Variants in SDHAF3 observed in about 807,000 individuals in gnomAD.
SDHAF3 encodes the protein succinate dehydrogenase assembly factor 3, mitochondrial.
SDHAF3 carries 18 observed loss-of-function variants against 11.5 expected under a neutral mutation model. The ratio of observed to expected loss-of-function variants is 1.56; its 90% CI spans 1.08 to 2.32. SDHAF3 has a LOEUF of 2.32. Ranked by LOEUF, SDHAF3 falls within the 30% of genes most tolerant of loss-of-function variation. SDHAF3 has a pLI of 0.00. For synonymous variants in SDHAF3, 72 were observed against 59.3 expected (o/e 1.21, Z -0.99); for missense variants, 200 against 154.4 (o/e 1.30, Z -1.57).
chr7:97,175,783 T>A (rs1234319334), intron 1 of SDHAF3, among the ~76,000 whole-genome samples: 2 of 152,308 alleles, frequency 1.3e-5, no homozygotes, highest in East Asian at 3.9e-4. Flanking sequence ...TGAACGTTAG[T>A]TTTTTTCTAC....
At chr7:97,156,969 C>G (rs1049320727) in intron 1 of SDHAF3, among the ~76,000 whole-genome samples, 1 of 152,108 alleles carries the variant, frequency 6.6e-6, no homozygotes, top group African/African-American at 2.4e-5. Context: ...TATCCCTCCC[C>G]CAGTCCCCCA....
chr7:97,147,228 A>G (rs532846057), intron 1 of SDHAF3, among the ~76,000 whole-genome samples: 6 of 152,350 alleles, frequency 3.9e-5, no homozygotes, highest in Admixed American at 3.9e-4. Flanking sequence ...ATACGCAGTT[A>G]TAACTAGGAG....
intron 1 of SDHAF3, among the ~76,000 whole-genome samples, chr7:97,147,701 C>CA (rs1562825142): frequency 6.6e-6 from 1 of 152,106 alleles, no homozygotes. Context: ...AGCCAAGTGT[C>CA]AATTTGACAG....
chr7:97,158,915 GA>G (rs1789352598), intron 1 of SDHAF3, among the ~76,000 whole-genome samples: 1 of 152,064 alleles, frequency 6.6e-6, no homozygotes, highest in African/African-American at 2.4e-5. Flanking sequence ...GTAAATTATT[GA>G]AAAATGTATA....
chr7:97,122,101 CCCA>C (rs1181844122), intron 1 of SDHAF3, among the ~76,000 whole-genome samples: 1 of 152,166 alleles, frequency 6.6e-6, no homozygotes, highest in East Asian at 1.9e-4. Context: ...TTATGATCCG[CCCA>C]CCTGGGCCTC....
intron 1 of SDHAF3, among the ~76,000 whole-genome samples, chr7:97,162,886 T>G (rs370004361): frequency 5.9e-5 from 9 of 152,262 alleles, no homozygotes; most frequent in African/African-American, 2.2e-4. Context: ...GGTGGAGAGT[T>G]CTGTAGATAT....
intron 1 of SDHAF3, among the ~76,000 whole-genome samples, chr7:97,143,112 T>C (rs1020591825): frequency 1.1e-4 from 17 of 151,768 alleles, no homozygotes; most frequent in Non-Finnish European, 1.9e-4. Flanking sequence ...GCCAGGCTGG[T>C]CTCGAACTCC....
At chr7:97,133,358 A>G (rs1791697954) in intron 1 of SDHAF3, among the ~76,000 whole-genome samples, 1 of 152,158 alleles carries the variant, frequency 6.6e-6, no homozygotes, top group Non-Finnish European at 1.5e-5. Flanking sequence ...TTTCTGGGAA[A>G]CTGAATTAGT....
At chr7:97,142,417 A>G (rs977773798) in intron 1 of SDHAF3, among the ~76,000 whole-genome samples, 3 of 152,172 alleles carry the variant, frequency 2.0e-5, no homozygotes, top group Middle Eastern at 3.2e-3. Context: ...ATTGTATTTT[A>G]TAAATATGTG....
intron 1 of SDHAF3, among the ~76,000 whole-genome samples, chr7:97,176,773 T>C (rs1376227543): frequency 1.3e-5 from 2 of 152,180 alleles, no homozygotes; most frequent in African/African-American, 4.8e-5. Context: ...CCATAATTAT[T>C]ATAAATTATA....
intron 1 of SDHAF3, among the ~76,000 whole-genome samples, chr7:97,141,250 C>T (rs905016815): frequency 1.3e-5 from 2 of 152,142 alleles, no homozygotes; most frequent in South Asian, 2.1e-4. Flanking sequence ...ATTTTAATTT[C>T]ACCCCAGTTC....
chr7:97,181,138 T>C lies in SDHAF3; in HGVS notation c.301T>C (p.Leu101=). ...CTTTCGTGATGAACAAATTGGACAG[T>C]TGCAGGAGCTGATGCAAGAAGCCAC... ...NDFRDEQIGQ[L]QELMQEATKP... is the part of the protein sequence containing the mutation. The change falls in exon 2 of 2, where the codon TTG becomes CTG. Residue 101 remains leucine, a synonymous_variant. Transcript: ENST00000432641. 6.2e-7 allele frequency: 1 copy of C among 1,614,016 alleles called. No individual in the cohort carries two copies. The highest frequency in any genetic ancestry group is 1.1e-5 in the South Asian group (1 of 91,070).
intron 1 of SDHAF3, among the ~76,000 whole-genome samples, chr7:97,156,970 C>A (rs1396013820): frequency 6.6e-6 from 1 of 152,110 alleles, no homozygotes; most frequent in Non-Finnish European, 1.5e-5. Flanking sequence ...ATCCCTCCCC[C>A]AGTCCCCCAG....
At chr7:97,119,189 G>A (rs1189647790) in intron 1 of SDHAF3, among the ~76,000 whole-genome samples, 1 of 152,174 alleles carries the variant, frequency 6.6e-6, no homozygotes, top group Non-Finnish European at 1.5e-5. Context: ...GAAGCTATAA[G>A]ATACTGTATT....
chr7:97,156,781 T>A (rs1027494854), intron 1 of SDHAF3, among the ~76,000 whole-genome samples: 8 of 146,738 alleles, frequency 5.5e-5, no homozygotes, highest in African/African-American at 7.3e-5. Flanking sequence ...ATAAAAAAAA[T>A]TTCTTTTTTA....
chr7:97,164,751 A>C (rs1584230507), intron 1 of SDHAF3, among the ~76,000 whole-genome samples: 1 of 152,320 alleles, frequency 6.6e-6, no homozygotes, highest in Non-Finnish European at 1.5e-5. Flanking sequence ...TCACACACAC[A>C]GTGAATAACT....
At chr7:97,172,669 A>G (rs61453108) in intron 1 of SDHAF3, among the ~76,000 whole-genome samples, 3,814 of 152,292 alleles carry the variant, frequency 0.025, 148 homozygotes, top group African/African-American at 0.088. Context: ...ATGGTACACA[A>G]AGTGAATTAT....
chr7:97,124,350 A>G (rs1398483867), intron 1 of SDHAF3, among the ~76,000 whole-genome samples: 4 of 152,012 alleles, frequency 2.6e-5, no homozygotes, highest in Non-Finnish European at 1.5e-5. Context: ...CTATTCATCT[A>G]TATGTCTGTT....
intron 1 of SDHAF3, among the ~76,000 whole-genome samples, chr7:97,120,945 T>C (rs151110846): frequency 1.4e-3 from 210 of 152,220 alleles, no homozygotes; most frequent in African/African-American, 4.9e-3. Flanking sequence ...AGGGACCAAG[T>C]GGGGCAACGT....
Sources: allele counts gnomAD v4.1 joint callset (sites outside exome capture counted in the v4.1 genomes callset), GRCh38; gene constraint gnomAD v4.1.1; transcripts MANE v1.5; gene names NCBI Gene and HGNC (gene_info 2026-07-23, HGNC 2026-07-21).